EPHA6: variants seen among roughly 807,000 people sequenced by gnomAD.
EPHA6 encodes the protein EPH receptor A6.
EPHA6 carries 50 observed loss-of-function variants against 112.0 expected under a neutral mutation model. That is an observed-to-expected ratio of 0.45 (90% CI 0.36 to 0.56). EPHA6 has a LOEUF of 0.56. Ranked by LOEUF, EPHA6 falls within the 20% of genes least tolerant of loss-of-function variation. The probability of loss-of-function intolerance (pLI) is 0.00; values close to 1 mark genes in which losing one functional copy is unlikely to be tolerated. For missense variants in EPHA6, 1,280 were observed against 1,417.4 expected, an observed-to-expected ratio of 0.90 and a Z score of 1.56; for synonymous variants, 529 against 490.7, an observed-to-expected ratio of 1.08 and a Z score of -1.03.
intron 5 of EPHA6, among the ~76,000 whole-genome samples, chr3:97,404,653 T>A (rs144093025): frequency 0.02 from 3,046 of 152,254 alleles, 44 homozygotes; most frequent in Non-Finnish European, 0.028. Context: ...AAAGAAATAA[T>A]CCTCACATTC....
intron 1 of EPHA6, among the ~76,000 whole-genome samples, chr3:96,839,357 G>T (rs965512627): frequency 6.6e-6 from 1 of 152,020 alleles, no homozygotes; most frequent in Non-Finnish European, 1.5e-5. Flanking sequence ...TGTGTGCTCC[G>T]TATGAGAATC....
At chr3:97,742,555 A>C (rs1441125238) in intron 16 of EPHA6, among the ~76,000 whole-genome samples, 1 of 152,162 alleles carries the variant, frequency 6.6e-6, no homozygotes, top group Non-Finnish European at 1.5e-5. Context: ...TCAATAAAAA[A>C]CAATTGAAGA....
chr3:97,468,298 ACTTTTC>A (rs548957615), intron 7 of EPHA6, among the ~76,000 whole-genome samples: 112 of 151,814 alleles, frequency 7.4e-4, no homozygotes, highest in African/African-American at 2.6e-3. Context: ...TCTTAGAGAT[ACTTTTC>A]CTTTGGGTAG....
chr3:97,316,751 C>T (rs112149723), intron 5 of EPHA6, among the ~76,000 whole-genome samples: 31 of 151,888 alleles, frequency 2.0e-4, no homozygotes, highest in African/African-American at 7.5e-4. Flanking sequence ...TTTATGTTAA[C>T]AATTGGATAA....
intron 13 of EPHA6, 78 bp from the exon 14 acceptor site, chr3:97,637,795 A>T: frequency 9.7e-7 from 1 of 1,032,288 alleles, no homozygotes; most frequent in South Asian, 1.4e-5. Flanking sequence ...TAAAATAAAT[A>T]TAAGGATCTT....
intron 14 of EPHA6, among the ~76,000 whole-genome samples, chr3:97,681,974 C>T (rs1054625074): frequency 2.0e-5 from 3 of 152,000 alleles, no homozygotes; most frequent in Admixed American, 6.6e-5. Context: ...AACCAGAAGG[C>T]TTCTTATAGC....
chr3:97,067,386 C>A (rs1391194599), intron 3 of EPHA6, among the ~76,000 whole-genome samples: 1 of 151,896 alleles, frequency 6.6e-6, no homozygotes, highest in Non-Finnish European at 1.5e-5. Context: ...TTTCAAACTT[C>A]TATATTTTAG....
At chr3:97,414,814 A>G (rs924717386) in intron 6 of EPHA6, among the ~76,000 whole-genome samples, 1 of 152,002 alleles carries the variant, frequency 6.6e-6, no homozygotes, top group Non-Finnish European at 1.5e-5. Context: ...TCAATTGTAA[A>G]CCACCAAATG....
chr3:97,597,921 A>G (rs1225624542), intron 12 of EPHA6, among the ~76,000 whole-genome samples: 3 of 152,192 alleles, frequency 2.0e-5, no homozygotes, highest in African/African-American at 7.2e-5. Flanking sequence ...AAAAGTAGTA[A>G]TGCAAATATA....
chr3:96,909,288 T>C (rs1407066448), intron 2 of EPHA6, among the ~76,000 whole-genome samples: 1 of 151,950 alleles, frequency 6.6e-6, no homozygotes, highest in Non-Finnish European at 1.5e-5. Flanking sequence ...CAATTGTGTT[T>C]TAATTTCTTA....
intron 2 of EPHA6, among the ~76,000 whole-genome samples, chr3:96,925,896 G>A (rs114137772): frequency 3.9e-5 from 6 of 152,126 alleles, no homozygotes; most frequent in East Asian, 3.9e-4. Flanking sequence ...GTGAGCCATC[G>A]TGCCCAGCCA....
intron 14 of EPHA6, among the ~76,000 whole-genome samples, chr3:97,688,092 G>C (rs1342194399): frequency 6.6e-6 from 1 of 152,110 alleles, no homozygotes; most frequent in Non-Finnish European, 1.5e-5. Context: ...AAGGTAGATA[G>C]TATTATTGTG....
At chr3:97,388,853 G>A (rs895477862) in intron 5 of EPHA6, among the ~76,000 whole-genome samples, 1 of 152,146 alleles carries the variant, frequency 6.6e-6, no homozygotes, top group Admixed American at 6.6e-5. Context: ...GGGAGATAGT[G>A]ACTAAAGTAA....
chr3:97,387,797 A>C (rs1364496804), intron 5 of EPHA6, among the ~76,000 whole-genome samples: 1 of 152,144 alleles, frequency 6.6e-6, no homozygotes, highest in African/African-American at 2.4e-5. Flanking sequence ...ACACTCCTAT[A>C]ATGACATACC....
At chr3:97,615,520 G>C (rs578178567) in intron 13 of EPHA6, among the ~76,000 whole-genome samples, 1 of 152,234 alleles carries the variant, frequency 6.6e-6, no homozygotes, top group East Asian at 1.9e-4. Flanking sequence ...AGACCTACTG[G>C]CTTGAAATTC....
At chr3:97,031,312 C>T (rs2044830143) in intron 3 of EPHA6, among the ~76,000 whole-genome samples, 1 of 152,126 alleles carries the variant, frequency 6.6e-6, no homozygotes, top group African/African-American at 2.4e-5. Flanking sequence ...GGATTAAAGA[C>T]TTAAATGTTA....
At chr3:97,004,069 T>C (rs1576301989) in intron 3 of EPHA6, among the ~76,000 whole-genome samples, 1 of 152,128 alleles carries the variant, frequency 6.6e-6, no homozygotes, top group African/African-American at 2.4e-5. Flanking sequence ...TTTGGTTCCA[T>C]GTCTTTGCTA....
At position 97,681,191 on chromosome 3, in the gene EPHA6, A is replaced by G. The variant is rs144933152; in HGVS notation, c.2785-39070A>G. On this transcript the variant is annotated intron_variant, in intron 14 of 17. Coordinates refer to ENST00000389672, the MANE Select transcript of EPHA6 (RefSeq NM_001080448.3). Reference sequence around the variant, plus strand: ...CTAAAACAAAACTGTGTTTTCAATCATCAAACTGGCAGAAATTAAAAAGAT... The same window carrying G: ...CTAAAACAAAACTGTGTTTTCAATCGTCAAACTGGCAGAAATTAAAAAGAT... 6.2e-3 allele frequency among the ~76,000 whole-genome samples: 940 copies of G among 152,250 alleles called. 10 individuals carry two copies. Among genetic ancestry groups the G allele is most frequent in the African/African-American group, 0.019 (785 of 41,562 alleles).
At chr3:96,829,321 C>T (rs370477902) in intron 1 of EPHA6, among the ~76,000 whole-genome samples, 1 of 152,126 alleles carries the variant, frequency 6.6e-6, no homozygotes, top group Non-Finnish European at 1.5e-5. Context: ...ACATAATCAT[C>T]TCATTTTACA....
Sources: gnomAD v4.1 joint callset for allele counts (sites outside exome capture counted in the v4.1 genomes callset) on GRCh38, gnomAD v4.1.1 for gene constraint, MANE v1.5 for transcripts, NCBI Gene and HGNC (gene_info 2026-07-23, HGNC 2026-07-21) for gene names.